CCSER1: variants seen among roughly 807,000 people sequenced by gnomAD.
The protein encoded by CCSER1 is serine-rich coiled-coil domain-containing protein 1.
CCSER1 carries 41 observed loss-of-function variants against 82.0 expected under a neutral mutation model. That is an observed-to-expected ratio of 0.50 (90% CI 0.39 to 0.65). The LOEUF is 0.65. CCSER1 is among the 30% of genes least tolerant of loss of function. The pLI is 0.00. For missense variants in CCSER1, 1,119 were observed against 1,064.2 expected (o/e 1.05, Z -0.72); for synonymous variants, 414 against 383.9 (o/e 1.08, Z -0.92).
rs371646196 is a variant in CCSER1 at position 90,172,114 on chromosome 4, C to G, written c.-42+44283C>G. ...AAAAGGCCATGCTCTTTGCTCATGT[C>G]AAATCCGCTGGATGGAAAAGATGAT... On this transcript the variant is annotated intron_variant, in intron 1 of 10. Coordinates refer to ENST00000509176, the MANE Select transcript of CCSER1 (RefSeq NM_001145065.2). Among the ~76,000 whole-genome samples the G allele has an allele frequency of 2.8e-4, 43 of 152,010 alleles. 1 individual carries two copies. Among genetic ancestry groups the G allele is most frequent in the African/African-American group, 9.9e-4 (41 of 41,534 alleles).
intron 7 of CCSER1, among the ~76,000 whole-genome samples, chr4:90,734,509 T>G (rs1417848713): frequency 6.6e-6 from 1 of 152,190 alleles, no homozygotes; most frequent in Non-Finnish European, 1.5e-5. Flanking sequence ...TTTTATGGTT[T>G]TCATTGTAGA....
intron 1 of CCSER1, among the ~76,000 whole-genome samples, chr4:90,139,525 C>T (rs529716159): frequency 6.6e-6 from 1 of 151,892 alleles, no homozygotes; most frequent in African/African-American, 2.4e-5. Flanking sequence ...CTATTTTTTT[C>T]ACGTATTGCC....
At chr4:91,363,449 GA>G (rs1181936685) in intron 10 of CCSER1, among the ~76,000 whole-genome samples, 2 of 150,616 alleles carry the variant, frequency 1.3e-5, no homozygotes, top group African/African-American at 4.9e-5. Flanking sequence ...AACAGCTAAG[GA>G]AAAAACTGTT....
intron 1 of CCSER1, among the ~76,000 whole-genome samples, chr4:90,247,963 C>CT (rs1291243722): frequency 6.6e-6 from 1 of 151,850 alleles, no homozygotes; most frequent in Non-Finnish European, 1.5e-5. Flanking sequence ...GCCAATATAT[C>CT]TTTTTTGGGT....
intron 5 of CCSER1, among the ~76,000 whole-genome samples, chr4:90,532,397 C>T (rs1774643110): frequency 6.6e-6 from 1 of 152,012 alleles, no homozygotes; most frequent in Admixed American, 6.6e-5. Context: ...ATTTTCCTCT[C>T]TCTTCTGCTT....
intron 10 of CCSER1, among the ~76,000 whole-genome samples, chr4:91,444,604 C>T (rs1755433384): frequency 6.6e-6 from 1 of 152,044 alleles, no homozygotes; most frequent in Non-Finnish European, 1.5e-5. Context: ...CGCCCACCAC[C>T]ACACCTGGTT....
intron 9 of CCSER1, among the ~76,000 whole-genome samples, chr4:91,040,920 A>C (rs1741904061): frequency 6.6e-6 from 1 of 152,176 alleles, no homozygotes; most frequent in Non-Finnish European, 1.5e-5. Flanking sequence ...GTTATCAATG[A>C]AGTTCAAATG....
At chr4:90,449,574 T>A (rs1454786483) in intron 4 of CCSER1, among the ~76,000 whole-genome samples, 1 of 152,166 alleles carries the variant, frequency 6.6e-6, no homozygotes, top group Non-Finnish European at 1.5e-5. Flanking sequence ...CCCACAACCC[T>A]TCCCTTGGCC....
intron 9 of CCSER1, among the ~76,000 whole-genome samples, chr4:90,999,890 T>A (rs1737846449): frequency 6.6e-6 from 1 of 151,366 alleles, no homozygotes; most frequent in African/African-American, 2.4e-5. Flanking sequence ...TTTTTTTTTT[T>A]TTTTTCCCTA....
intron 10 of CCSER1, among the ~76,000 whole-genome samples, chr4:91,248,855 G>T (rs1179574493): frequency 6.6e-6 from 1 of 151,794 alleles, no homozygotes; most frequent in Non-Finnish European, 1.5e-5. Context: ...GTATGCATGG[G>T]GATTCTATAC....
chr4:90,629,570 C>A (rs1020605154), intron 6 of CCSER1, among the ~76,000 whole-genome samples: 13 of 152,174 alleles, frequency 8.5e-5, no homozygotes, highest in Non-Finnish European at 4.4e-5. Context: ...CTGCCTCCCC[C>A]ACCCTTGACA....
chr4:90,759,938 CTACT>C (rs70963081), intron 7 of CCSER1, among the ~76,000 whole-genome samples: 2,645 of 151,908 alleles, frequency 0.017, 32 homozygotes, highest in Non-Finnish European at 0.027. Flanking sequence ...CTGTATAAAA[CTACT>C]TAATATGAAT....
chr4:90,653,991 A>G (rs1405062694), intron 6 of CCSER1, among the ~76,000 whole-genome samples: 6 of 152,102 alleles, frequency 3.9e-5, no homozygotes, highest in African/African-American at 1.4e-4. Flanking sequence ...CAGGAGAGAG[A>G]GAGCAAAGTG....
At chr4:90,216,101 A>G (rs766318056) in intron 1 of CCSER1, among the ~76,000 whole-genome samples, 58 of 152,198 alleles carry the variant, frequency 3.8e-4, no homozygotes, top group Non-Finnish European at 6.8e-4. Flanking sequence ...TTTATATAAC[A>G]CAGACCCTTG....
At chr4:90,278,311 G>A (rs1326688598) in intron 1 of CCSER1, among the ~76,000 whole-genome samples, 1 of 152,072 alleles carries the variant, frequency 6.6e-6, no homozygotes. Flanking sequence ...ATTCAACCCA[G>A]CAATCCCATT....
intron 10 of CCSER1, among the ~76,000 whole-genome samples, chr4:91,464,362 A>G (rs939373660): frequency 3.9e-5 from 6 of 152,194 alleles, no homozygotes; most frequent in African/African-American, 9.7e-5. Flanking sequence ...AGCACTAAAC[A>G]TGCAAAGGAA....
At chr4:90,651,733 T>C (rs1019367680) in intron 6 of CCSER1, among the ~76,000 whole-genome samples, 1 of 151,816 alleles carries the variant, frequency 6.6e-6, no homozygotes, top group Admixed American at 6.6e-5. Flanking sequence ...AAGACAGAGA[T>C]AGCGTTCCCC....
At chr4:90,369,486 G>A (rs1746977655) in intron 3 of CCSER1, among the ~76,000 whole-genome samples, 1 of 151,834 alleles carries the variant, frequency 6.6e-6, no homozygotes, top group African/African-American at 2.4e-5. Flanking sequence ...TAAAATAAAA[G>A]AACATTAGAA....
chr4:90,535,947 T>C (rs187790838), intron 5 of CCSER1, among the ~76,000 whole-genome samples: 50 of 152,228 alleles, frequency 3.3e-4, no homozygotes, highest in African/African-American at 1.2e-3. Flanking sequence ...GAGTATCATA[T>C]GTCTTGACTA....
Sources: gnomAD v4.1 joint callset for allele counts (sites outside exome capture counted in the v4.1 genomes callset) on GRCh38, gnomAD v4.1.1 for gene constraint, MANE v1.5 for transcripts, NCBI Gene and HGNC (gene_info 2026-07-23, HGNC 2026-07-21) for gene names.